The following TSPAN15 variants were observed in gnomAD, a reference collection of about 807,000 sequenced individuals.
The protein encoded by TSPAN15 is tetraspanin 15, also known as tetraspanin-15.
In TSPAN15, 20 loss-of-function variants were observed where a neutral mutation model predicts 34.5. That is an observed-to-expected ratio of 0.58 (90% CI 0.41 to 0.84). The LOEUF (loss-of-function observed/expected upper bound fraction) is 0.84. Among genes scored for constraint, TSPAN15 ranks in the 40% least tolerant of loss-of-function variants. The pLI, the probability that TSPAN15 is intolerant of heterozygous loss-of-function variation, is 0.00. For synonymous variants in TSPAN15, 155 were observed against 153.9 expected (o/e 1.01, Z -0.05); for missense variants, 313 against 386.1 (o/e 0.81, Z 1.59).
chr10:69,503,761 C>A (rs1010723688), intron 5 of TSPAN15, among the ~76,000 whole-genome samples: 1 of 152,162 alleles, frequency 6.6e-6, no homozygotes, highest in Non-Finnish European at 1.5e-5. Context: ...GAGAAGGAGA[C>A]CCTGCGGGGC....
intron 6 of TSPAN15, 118 bp downstream of exon 6, chr10:69,504,603 G>C: frequency 9.3e-7 from 1 of 1,079,982 alleles, no homozygotes; most frequent in Admixed American, 1.8e-5. Flanking sequence ...CACATTCCTG[G>C]CTGTGACCCA....
the TSPAN15 span, among the ~76,000 whole-genome samples, chr10:69,543,847 GTGTGTGTGT>G: frequency 6.9e-5 from 1 of 14,490 alleles, no homozygotes; most frequent in African/African-American, 2.5e-4. Context: ...GAAGGGGAGT[GTGTGTGTGT>G]GTGTGTGTGT....
rs769365566 is a variant in TSPAN15 at position 69,506,865 on chromosome 10, C to G, written c.772C>G (p.Arg258Gly). 10 of 1,598,828 alleles carry G rather than the reference C, an allele frequency of 6.3e-6. No individual in the cohort carries two copies. The East Asian group carries it at 2.3e-4, about 36-fold the overall frequency. The change falls in exon 8 of 8, where the codon CGG (arginine) becomes GGG (glycine). Residue 258 changes from arginine to glycine, a missense_variant. Arg to Gly is a moderately radical substitution (Grantham distance 125, BLOSUM62 -2). Coordinates refer to ENST00000373290, the MANE Select transcript of TSPAN15 (RefSeq NM_012339.5). This position sits in a 1 kb window ranked among gnomAD's most constrained non-coding sequence, Gnocchi z 4.7. ...GCTGCTGACGCTGCTGTACATCACCCGGGTGGAGGACATCATCATGGAGCA... is the reference window on the plus strand; with the variant it reads ...GCTGCTGACGCTGCTGTACATCACCGGGGTGGAGGACATCATCATGGAGCA... ...GVLLTLLYITRVEDIIMEHSV... is the reference protein window; with the variant it reads ...GVLLTLLYITGVEDIIMEHSV...
intron 5 of TSPAN15, among the ~76,000 whole-genome samples, chr10:69,502,018 A>T (rs1842220598): frequency 1.4e-5 from 2 of 137,980 alleles, no homozygotes; most frequent in Admixed American, 7.3e-5. Context: ...ATTTTCCTTG[A>T]AACCAGTCTC....
At chr10:69,483,601 C>G (rs1035616142) in intron 1 of TSPAN15, 90 bp from the exon 2 acceptor site, 3 of 1,409,016 alleles carry the variant, frequency 2.1e-6, no homozygotes, top group Admixed American at 2.2e-5. Flanking sequence ...AAGCCTCCCC[C>G]ACAGCAGGTA....
the TSPAN15 span, among the ~76,000 whole-genome samples, chr10:69,546,949 G>C: frequency 6.6e-6 from 1 of 151,564 alleles, no homozygotes; most frequent in Admixed American, 6.6e-5. Context: ...TTCAAAACCA[G>C]CCTGGCCAAC....
At chr10:69,470,895 C>T (rs749448989) in intron 1 of TSPAN15, among the ~76,000 whole-genome samples, 2 of 152,136 alleles carry the variant, frequency 1.3e-5, no homozygotes, top group Non-Finnish European at 2.9e-5. Flanking sequence ...CCCCGTCCCC[C>T]TTGCTGTTTC....
At chr10:69,456,981 C>T (rs1841125333) in intron 1 of TSPAN15, among the ~76,000 whole-genome samples, 1 of 152,178 alleles carries the variant, frequency 6.6e-6, no homozygotes, top group Non-Finnish European at 1.5e-5. Flanking sequence ...TTGGCCCTTC[C>T]AGTAAGTCAT....
intron 1 of TSPAN15, among the ~76,000 whole-genome samples, chr10:69,466,626 C>T (rs138880583): frequency 2.0e-5 from 3 of 152,088 alleles, no homozygotes; most frequent in Admixed American, 2.0e-4. Flanking sequence ...CCAACCTGAC[C>T]ACGTGGAGAC....
chr10:69,495,675 T>G lies in TSPAN15; in HGVS notation c.439T>G (p.Phe147Val), dbSNP rs767000756. Reference protein sequence around the residue: ...DDLDFKNIMDFVQKKFKCCGG... With the variant: ...DDLDFKNIMDVVQKKFKCCGG... ...TCTGGACTTCAAAAACATCATGGAC[T>G]TTGTTCAGAAAAAGGTGAGCCAGGC... The change falls in exon 4 of 8, where the codon TTT becomes GTT. Residue 147 changes from phenylalanine (F) to valine (V), a missense_variant. Coordinates refer to ENST00000373290, the MANE Select transcript of TSPAN15 (RefSeq NM_012339.5). The G allele has an allele frequency of 1.4e-5, 23 of 1,613,902 alleles. No homozygotes were observed. The highest frequency in any genetic ancestry group is 1.9e-5 in the Non-Finnish European group (22 of 1,179,766).
At chr10:69,529,544 A>G in the TSPAN15 span, among the ~76,000 whole-genome samples, 2 of 147,600 alleles carry the variant, frequency 1.4e-5, no homozygotes, top group South Asian at 2.1e-4. Flanking sequence ...TTCCCTCCTT[A>G]TATCTCAGGG....
At chr10:69,480,396 A>C (rs1355063861) in intron 1 of TSPAN15, among the ~76,000 whole-genome samples, 1 of 152,188 alleles carries the variant, frequency 6.6e-6, no homozygotes, top group Non-Finnish European at 1.5e-5. Context: ...CAGTTCTGAA[A>C]ATGTTAAGAT....
At chr10:69,539,397 AGAAGAGGAAGAG>A in the TSPAN15 span, among the ~76,000 whole-genome samples, 1 of 87,092 alleles carries the variant, frequency 1.1e-5, no homozygotes, top group Non-Finnish European at 2.8e-5. Flanking sequence ...AGGAAGAGGA[AGAAGAGGAAGAG>A]GAAGAGGAAG....
chr10:69,485,111 C>G, intron 2 of TSPAN15, 30 bp from the exon 3 acceptor site: 1 of 1,608,154 alleles, frequency 6.2e-7, no homozygotes, highest in South Asian at 1.1e-5. Context: ...CTGCTCCTCT[C>G]CAGGTGAGTC....
At chr10:69,548,711 T>C in the TSPAN15 span, among the ~76,000 whole-genome samples, 5 of 148,918 alleles carry the variant, frequency 3.4e-5, no homozygotes, top group African/African-American at 5.2e-5. Flanking sequence ...GAAACATGCA[T>C]AGAGCTCCCT....
In TSPAN15 at chr10:69,507,323, C is replaced by G; in HGVS notation, c.*345C>G. ...CTGGCAGTGCCTTGGCGGTGGTATT[C>G]AAGGCAGTTTTGTAGCACCTGTAAT... On this transcript the variant is annotated 3_prime_UTR_variant, in exon 8 of 8. Transcript: ENST00000373290. 1 of 1,232,766 alleles carries G rather than the reference C, an allele frequency of 8.1e-7. No individual in the cohort carries two copies. 76.4% of individuals were successfully genotyped at this position (1,232,766 alleles called of 1,614,324 possible).
intron 3 of TSPAN15, among the ~76,000 whole-genome samples, chr10:69,489,374 G>T (rs1841921620): frequency 6.6e-6 from 1 of 152,202 alleles, no homozygotes; most frequent in African/African-American, 2.4e-5. Flanking sequence ...AACTTGTACA[G>T]TTAACACAAT....
In TSPAN15 at chr10:69,507,459, G is replaced by A. The variant is rs1349569536; in HGVS notation, c.*481G>A. On this transcript the variant is annotated 3_prime_UTR_variant, in exon 8 of 8. Transcript: ENST00000373290. ...CCATGGCCAGGTTGGCCTCTTCTCA[G>A]CCTCCCAGGTGCCTTGAGCCCTCTT... 8 of 1,299,770 alleles carry A rather than the reference G, an allele frequency of 6.2e-6. No individual in the cohort carries two copies. Among genetic ancestry groups the A allele is most frequent in the Non-Finnish European group, 7.1e-6 (7 of 988,076 alleles). 80.5% of individuals were successfully genotyped at this position (1,299,770 alleles called of 1,614,324 possible).
rs547795974 is a variant in TSPAN15, at chr10:69,455,076, C to T, written c.96+3386C>T. Among the ~76,000 whole-genome samples, 9 of 149,512 alleles carry T rather than the reference C, an allele frequency of 6.0e-5. 1 individual carries two copies. Among genetic ancestry groups the T allele is most frequent in the Middle Eastern group, 3.5e-3 (1 of 288 alleles). ...TACAGCGAGGGCTGAGGTGGAGAAA[C>T]GCTAGAACCCGGGAAGCGGAGGTTG... On this transcript the variant is annotated intron_variant, in intron 1 of 7. Transcript: ENST00000373290.
Sources: gnomAD v4.1 joint callset for allele counts (sites outside exome capture counted in the v4.1 genomes callset) on GRCh38, gnomAD v4.1.1 for gene constraint, Gnocchi (gnomAD v3.1) non-coding constraint, MANE v1.5 for transcripts, NCBI Gene and HGNC (gene_info 2026-07-23, HGNC 2026-07-21) for gene names.